Variants in POFUT3 observed in about 807,000 individuals in gnomAD.
The protein encoded by POFUT3 is GDP-fucose protein O-fucosyltransferase 3.
At chr8:33,407,987 C>CAAAAAAAAAAAAAA in the POFUT3 span, among the ~76,000 whole-genome samples, 1 of 83,744 alleles carries the variant, frequency 1.2e-5, no homozygotes, top group Admixed American at 1.5e-4. Flanking sequence ...GACTCCATCT[C>CAAAAAAAAAAAAAA]AAAAAAAAAA....
the POFUT3 span, among the ~76,000 whole-genome samples, chr8:33,449,943 T>C: frequency 2.0e-5 from 3 of 147,484 alleles, no homozygotes; most frequent in Non-Finnish European, 3.0e-5. Flanking sequence ...TTCTTTTTTT[T>C]TTTTTTTTTT....
chr8:33,409,548 A>G, the POFUT3 span, among the ~76,000 whole-genome samples: 4 of 152,228 alleles, frequency 2.6e-5, no homozygotes, highest in African/African-American at 9.6e-5. Flanking sequence ...CTTCTCTGGA[A>G]ATATCTAAAG....
the POFUT3 span, among the ~76,000 whole-genome samples, chr8:33,321,804 G>A: frequency 2.0e-5 from 3 of 152,166 alleles, no homozygotes; most frequent in East Asian, 5.8e-4. Flanking sequence ...TCTTCTGCCA[G>A]GTCTCAGCCT....
chr8:33,443,085 C>G, the POFUT3 span, among the ~76,000 whole-genome samples: 1 of 152,000 alleles, frequency 6.6e-6, no homozygotes, highest in Non-Finnish European at 1.5e-5. Context: ...TGCACTGCGG[C>G]CTAGGTGACA....
the POFUT3 span, among the ~76,000 whole-genome samples, chr8:33,423,818 T>TAAAAAAAAAAAAAAA: frequency 1.4e-5 from 1 of 70,136 alleles, no homozygotes; most frequent in Non-Finnish European, 2.5e-5. Context: ...GCACACCAAG[T>TAAAAAAAAAAAAAAA]AAAAAAAAAA....
At chr8:33,379,419 A>G in the POFUT3 span, among the ~76,000 whole-genome samples, 1 of 152,156 alleles carries the variant, frequency 6.6e-6, no homozygotes, top group African/African-American at 2.4e-5. Context: ...AAACACATAA[A>G]AAGAGAAAAA....
At chr8:33,327,667 A>G in the POFUT3 span, among the ~76,000 whole-genome samples, 4 of 152,214 alleles carry the variant, frequency 2.6e-5, no homozygotes, top group African/African-American at 4.8e-5. Context: ...AAGCCTAAGT[A>G]AGCCAAGCAT....
the POFUT3 span, chr8:33,389,443 A>T: frequency 9.3e-6 from 15 of 1,614,160 alleles, no homozygotes; most frequent in Admixed American, 1.7e-5. Context: ...GTAAACATTC[A>T]CCATAGGAAT....
chr8:33,346,808 A>G, the POFUT3 span, among the ~76,000 whole-genome samples: 2 of 152,186 alleles, frequency 1.3e-5, no homozygotes, highest in Admixed American at 6.5e-5. Context: ...GCTTATTCTA[A>G]GGCATCATAT....
the POFUT3 span, among the ~76,000 whole-genome samples, chr8:33,459,987 G>A: frequency 4.6e-5 from 7 of 152,210 alleles, no homozygotes. Flanking sequence ...CTTGAGGTCA[G>A]GAGTTCAAGA....
At chr8:33,365,701 A>G in the POFUT3 span, among the ~76,000 whole-genome samples, 2 of 152,230 alleles carry the variant, frequency 1.3e-5, no homozygotes, top group Non-Finnish European at 2.9e-5. Context: ...CAAAACCACA[A>G]TGAGATACCA....
the POFUT3 span, chr8:33,388,953 A>T: frequency 2.5e-6 from 4 of 1,611,174 alleles, no homozygotes; most frequent in South Asian, 1.1e-5. Context: ...CCCACCTTTG[A>T]TTTGCTTACC....
chr8:33,415,912 C>G, the POFUT3 span, among the ~76,000 whole-genome samples: 3 of 152,196 alleles, frequency 2.0e-5, no homozygotes, highest in Non-Finnish European at 2.9e-5. Flanking sequence ...TCCCTCAGAA[C>G]TCCCAAACAG....
chr8:33,349,120 T>C, the POFUT3 span, among the ~76,000 whole-genome samples: 12 of 152,278 alleles, frequency 7.9e-5, no homozygotes, highest in Admixed American at 7.8e-4. Flanking sequence ...AAAGGAGTAG[T>C]TCCGTGTCAA....
the POFUT3 span, among the ~76,000 whole-genome samples, chr8:33,454,901 C>T: frequency 1.3e-5 from 2 of 151,832 alleles, no homozygotes; most frequent in Admixed American, 6.6e-5. Flanking sequence ...CTCCTGACCT[C>T]GTGATCTGCC....
the POFUT3 span, among the ~76,000 whole-genome samples, chr8:33,427,109 C>T: frequency 2.0e-5 from 3 of 152,154 alleles, no homozygotes; most frequent in Admixed American, 6.5e-5. Flanking sequence ...AGGCTTTGGC[C>T]CAGGTGCTCA....
At chr8:33,374,002 T>C in the POFUT3 span, among the ~76,000 whole-genome samples, 2 of 152,304 alleles carry the variant, frequency 1.3e-5, no homozygotes, top group African/African-American at 2.4e-5. Context: ...TCCCGGGTCA[T>C]GAACCAGTAC....
chr8:33,325,239 T>C, the POFUT3 span, among the ~76,000 whole-genome samples: 1 of 152,216 alleles, frequency 6.6e-6, no homozygotes, highest in East Asian at 1.9e-4. Context: ...TTGGTCCTTG[T>C]ACCTAAAAGT....
the POFUT3 span, among the ~76,000 whole-genome samples, chr8:33,413,283 T>C: frequency 6.6e-6 from 1 of 152,160 alleles, no homozygotes; most frequent in African/African-American, 2.4e-5. Flanking sequence ...GGAGCCCTTA[T>C]GATAGGATTA....
Sources: allele counts gnomAD v4.1 joint callset (sites outside exome capture counted in the v4.1 genomes callset), GRCh38; gene constraint gnomAD v4.1.1; transcripts MANE v1.5; gene names NCBI Gene and HGNC (gene_info 2026-07-23, HGNC 2026-07-21).